The following AGMO variants were observed in gnomAD, a reference collection of about 807,000 sequenced individuals.
AGMO encodes alkylglycerol monooxygenase, also known as glyceryl-ether monooxygenase.
A neutral mutation model predicts 60.2 loss-of-function variants in AGMO; 75 were observed. That is an observed-to-expected ratio of 1.25 (90% CI 1.03 to 1.51). The LOEUF is 1.51. Ranked by LOEUF, AGMO falls within the 40% of genes most tolerant of loss-of-function variation. The probability of loss-of-function intolerance (pLI) is 0.00; values close to 1 mark genes in which losing one functional copy is unlikely to be tolerated. For missense variants in AGMO, 763 were observed against 525.5 expected, an observed-to-expected ratio of 1.45 and a Z score of -4.42; for synonymous variants, 261 against 177.1, an observed-to-expected ratio of 1.47 and a Z score of -3.76.
At chr7:15,492,374 AAAC>A (rs896069583) in intron 3 of AGMO, among the ~76,000 whole-genome samples, 11 of 151,810 alleles carry the variant, frequency 7.2e-5, no homozygotes, top group Middle Eastern at 3.4e-3. Flanking sequence ...AAAAAAAAAA[AAAC>A]ATTAATAATA....
the AGMO span, among the ~76,000 whole-genome samples, chr7:15,170,146 G>A: frequency 6.6e-6 from 1 of 152,338 alleles, no homozygotes; most frequent in East Asian, 1.9e-4. Flanking sequence ...TTCTGACCAG[G>A]GGTGAGCAAA....
At chr7:15,390,772 A>G (rs1784104798) in intron 7 of AGMO, 22 bp from the exon 8 acceptor site, 1 of 1,598,060 alleles carries the variant, frequency 6.3e-7, no homozygotes, top group African/African-American at 1.3e-5. Context: ...ATATAAAGAT[A>G]TGAGATTTGG....
At chr7:15,452,551 T>A (rs1781883719) in intron 3 of AGMO, among the ~76,000 whole-genome samples, 1 of 152,194 alleles carries the variant, frequency 6.6e-6, no homozygotes, top group African/African-American at 2.4e-5. Flanking sequence ...TTTGCATCTA[T>A]AAGATGGCTA....
intron 10 of AGMO, among the ~76,000 whole-genome samples, chr7:15,373,386 ACTTT>A (rs1185094475): frequency 6.6e-6 from 1 of 152,196 alleles, no homozygotes; most frequent in East Asian, 1.9e-4. Context: ...ATCTACTCCA[ACTTT>A]CTTTAAATAG....
chr7:15,359,476 A>C (rs537525796), intron 12 of AGMO, among the ~76,000 whole-genome samples: 3 of 152,154 alleles, frequency 2.0e-5, no homozygotes, highest in African/African-American at 4.8e-5. Context: ...GAAATACCTT[A>C]AATATAAACA....
At chr7:15,125,273 C>A in the AGMO span, among the ~76,000 whole-genome samples, 1 of 152,036 alleles carries the variant, frequency 6.6e-6, no homozygotes, top group East Asian at 1.9e-4. Flanking sequence ...GCCCTCAGAG[C>A]ACAGAGGCTG....
chr7:15,368,016 C>G (rs1369010041), intron 10 of AGMO, among the ~76,000 whole-genome samples: 1 of 152,028 alleles, frequency 6.6e-6, no homozygotes, highest in African/African-American at 2.4e-5. Flanking sequence ...CCATCTCTCA[C>G]GGCCAACTTC....
chr7:15,129,834 G>A, the AGMO span, among the ~76,000 whole-genome samples: 1 of 152,244 alleles, frequency 6.6e-6, no homozygotes, highest in South Asian at 2.1e-4. Context: ...TTCATTTAGT[G>A]ATAGGGCCTG....
At chr7:15,309,002 C>G (rs766350237) in intron 12 of AGMO, among the ~76,000 whole-genome samples, 25 of 152,110 alleles carry the variant, frequency 1.6e-4, no homozygotes, top group Non-Finnish European at 3.4e-4. Flanking sequence ...TGGTAAGCAA[C>G]TTTACTACTC....
At chr7:15,550,103 G>A (rs1290721948) in intron 2 of AGMO, among the ~76,000 whole-genome samples, 2 of 152,010 alleles carry the variant, frequency 1.3e-5, no homozygotes, top group Non-Finnish European at 2.9e-5. Flanking sequence ...AAATAAAGAC[G>A]TTCTTTGAAA....
the AGMO span, among the ~76,000 whole-genome samples, chr7:15,120,043 G>T: frequency 6.8e-6 from 1 of 147,986 alleles, no homozygotes; most frequent in Non-Finnish European, 1.5e-5. Flanking sequence ...TCCCATTTTT[G>T]AGTGTTTACT....
intron 3 of AGMO, among the ~76,000 whole-genome samples, chr7:15,528,590 G>A (rs1354636831): frequency 2.0e-5 from 3 of 151,972 alleles, no homozygotes; most frequent in Non-Finnish European, 4.4e-5. Context: ...GAAGACAGAG[G>A]GAAACATTAA....
In AGMO at chr7:15,385,466, C is replaced by T. The variant is rs747012970; in HGVS notation, c.1054G>A (p.Glu352Lys). The T allele has an allele frequency of 1.6e-5, 26 of 1,598,216 alleles. No individual in the cohort carries two copies. In the Admixed American group the frequency reaches 1.7e-4, roughly 10 times the overall value. Residue 352 changes from glutamate to lysine, a missense_variant, in exon 10 of 13, where the codon GAG (glutamate) becomes AAG (lysine). Glu to Lys is a moderately conservative substitution (Grantham distance 56). Coordinates refer to ENST00000342526, the MANE Select transcript of AGMO (RefSeq NM_001004320.2). Reference protein sequence around the residue: ...QFALMLAFYEETFADTAALSQ... With the variant: ...QFALMLAFYEKTFADTAALSQ... ...CTTACAGCTGTATCTGCAAAGGTCTCTTCATAAAATGCCAACATCAGAGCA... is the reference window on the plus strand; with the variant it reads ...CTTACAGCTGTATCTGCAAAGGTCTTTTCATAAAATGCCAACATCAGAGCA...
intron 12 of AGMO, among the ~76,000 whole-genome samples, chr7:15,285,365 A>C (rs1784073726): frequency 1.3e-5 from 2 of 151,928 alleles, no homozygotes; most frequent in Non-Finnish European, 3.0e-5. Context: ...GATTTGATAA[A>C]TTCAGTAAAC....
intron 5 of AGMO, among the ~76,000 whole-genome samples, chr7:15,414,467 GACACACATAC>G (rs1780700673): frequency 2.1e-5 from 3 of 141,028 alleles, no homozygotes; most frequent in Admixed American, 2.1e-4. Flanking sequence ...CCCTAGAATA[GACACACATAC>G]ACACACACAC....
chr7:15,493,602 C>T lies in AGMO; in HGVS notation c.409+51170G>A, dbSNP rs558916177. Among the ~76,000 whole-genome samples, 8 of 151,876 alleles carry T rather than the reference C, an allele frequency of 5.3e-5. No homozygotes were observed. The South Asian group carries it at 1.7e-3, about 32-fold the overall frequency. ...GTGTTAGCCAGGATGGTCTCGATCT[C>T]CTGACCTCGTGATCCGCCCGCCTCG... On this transcript the variant is annotated intron_variant, in intron 3 of 12. Transcript: ENST00000342526.
chr7:15,273,132 T>A (rs563412685), intron 12 of AGMO, among the ~76,000 whole-genome samples: 1 of 152,344 alleles, frequency 6.6e-6, no homozygotes, highest in African/African-American at 2.4e-5. Flanking sequence ...TTTAGTTTAA[T>A]TAGATCCCAT....
At chr7:15,322,815 A>C (rs1042833652) in intron 12 of AGMO, among the ~76,000 whole-genome samples, 1 of 141,106 alleles carries the variant, frequency 7.1e-6, no homozygotes, top group African/African-American at 2.6e-5. Context: ...ATGTATACAC[A>C]TACATGTGAC....
At chr7:15,163,360 C>T in the AGMO span, among the ~76,000 whole-genome samples, 1 of 152,058 alleles carries the variant, frequency 6.6e-6, no homozygotes. Context: ...GTACTATGTT[C>T]AGTAAGAGTG....
Sources: gnomAD v4.1 joint callset for allele counts (sites outside exome capture counted in the v4.1 genomes callset) on GRCh38, gnomAD v4.1.1 for gene constraint, MANE v1.5 for transcripts, NCBI Gene and HGNC (gene_info 2026-07-23, HGNC 2026-07-21) for gene names.